DOCK1: variants seen among roughly 807,000 people sequenced by gnomAD.
DOCK1 encodes the protein dedicator of cytokinesis 1.
A neutral mutation model predicts 262.7 loss-of-function variants in DOCK1; 138 were observed. The observed-to-expected ratio is 0.53, with a 90% CI of 0.46 to 0.61. The LOEUF is 0.61. Among genes scored for constraint, DOCK1 ranks in the 20% least tolerant of loss-of-function variants. The pLI, the probability that DOCK1 is intolerant of heterozygous loss-of-function variation, is 0.00. For synonymous variants in DOCK1, 866 were observed against 867.4 expected, an observed-to-expected ratio of 1.00 and a Z score of 0.03; for missense variants, 1,908 against 2,370.7, an observed-to-expected ratio of 0.80 and a Z score of 4.05.
Position 126,981,384 on chromosome 10 carries a change from G to A in DOCK1, c.172-534G>A, listed in dbSNP as rs147626884. Among the ~76,000 whole-genome samples the A allele has an allele frequency of 9.0e-3, 1,374 of 152,292 alleles. 24 individuals are homozygous for A. Among genetic ancestry groups the A allele is most frequent in the African/African-American group, 0.031 (1,306 of 41,556 alleles). The stretch of plus-strand genomic sequence containing the variant: ...GAGGGAGGCCGACCAGCTTATCAGC[G>A]GAAGCTAGGGTGTACCCCCAGGTGT... On this transcript the variant is annotated intron_variant, in intron 3 of 51. Coordinates refer to ENST00000623213, the MANE Select transcript of DOCK1 (RefSeq NM_001290223.2).
chr10:127,407,545 A>G (rs1309476022), intron 40 of DOCK1, among the ~76,000 whole-genome samples: 7 of 152,366 alleles, frequency 4.6e-5, no homozygotes, highest in South Asian at 2.1e-4. Context: ...ATTCAGTGTC[A>G]TAGAATCTCT....
intron 29 of DOCK1, among the ~76,000 whole-genome samples, chr10:127,265,634 C>T (rs775725072): frequency 1.4e-4 from 22 of 152,128 alleles, no homozygotes; most frequent in Admixed American, 3.3e-4. Flanking sequence ...ATGGACACCT[C>T]ATAATCACAT....
chr10:127,004,051 G>A (rs1009981472), intron 10 of DOCK1, among the ~76,000 whole-genome samples: 25 of 151,878 alleles, frequency 1.6e-4, no homozygotes, highest in Admixed American at 1.6e-3. Context: ...TCAGGAGTTC[G>A]AGACCAGCGT....
chr10:127,209,423 G>A (rs2057871441), intron 27 of DOCK1, among the ~76,000 whole-genome samples: 1 of 152,184 alleles, frequency 6.6e-6, no homozygotes, highest in African/African-American at 2.4e-5. Context: ...GTAGCCGCCT[G>A]GAGAGCAGAG....
chr10:127,072,630 C>T lies in DOCK1; in HGVS notation c.2445+10854C>T, dbSNP rs150730907. On this transcript the variant is annotated intron_variant, in intron 23 of 51. Coordinates refer to ENST00000623213, the MANE Select transcript of DOCK1 (RefSeq NM_001290223.2). Reference sequence around the variant, plus strand: ...GAGGAAAATGCCAAACCCAGACTCTCGTATGGTTTGGAGAGAACTGTGCTG... The same window carrying T: ...GAGGAAAATGCCAAACCCAGACTCTTGTATGGTTTGGAGAGAACTGTGCTG... 5.9e-3 allele frequency among the ~76,000 whole-genome samples: 898 copies of T among 152,228 alleles called. 9 individuals carry two copies. Among genetic ancestry groups the T allele is most frequent in the Non-Finnish European group, 6.4e-3 (434 of 68,014 alleles).
At chr10:127,202,342 A>T (rs1479158185) in intron 27 of DOCK1, among the ~76,000 whole-genome samples, 5 of 150,534 alleles carry the variant, frequency 3.3e-5, no homozygotes, top group African/African-American at 1.2e-4. Flanking sequence ...AAAAAGAACT[A>T]GGACAGGAAG....
At chr10:127,022,839 A>G (rs539186397) in intron 13 of DOCK1, among the ~76,000 whole-genome samples, 1 of 152,346 alleles carries the variant, frequency 6.6e-6, no homozygotes, top group South Asian at 2.1e-4. Flanking sequence ...AGACAGCCGT[A>G]GCCAGCCGTC....
chr10:126,963,607 TC>T (rs2037404508), intron 1 of DOCK1, among the ~76,000 whole-genome samples: 16 of 56,328 alleles, frequency 2.8e-4, no homozygotes, highest in African/African-American at 1.6e-3. Context: ...TCCCTTCCCT[TC>T]CCTTCCCTTC....
At chr10:127,108,261 T>C (rs2048656724) in intron 24 of DOCK1, among the ~76,000 whole-genome samples, 1 of 152,194 alleles carries the variant, frequency 6.6e-6, no homozygotes, top group Non-Finnish European at 1.5e-5. Context: ...GCTGGATCCC[T>C]TACACACATA....
At chr10:127,382,279 T>C (rs1415157468) in intron 37 of DOCK1, among the ~76,000 whole-genome samples, 1 of 152,146 alleles carries the variant, frequency 6.6e-6, no homozygotes, top group African/African-American at 2.4e-5. Context: ...AATTAGGTAA[T>C]AGGAGTTAAG....
intron 27 of DOCK1, among the ~76,000 whole-genome samples, chr10:127,173,949 A>C (rs1206801663): frequency 6.6e-6 from 1 of 152,176 alleles, no homozygotes; most frequent in Non-Finnish European, 1.5e-5. Flanking sequence ...CTCCTGCACC[A>C]AGCTGGAGCA....
chr10:127,186,511 C>CGT (rs1482804970), intron 27 of DOCK1, among the ~76,000 whole-genome samples: 2 of 24,814 alleles, frequency 8.1e-5, no homozygotes, highest in African/African-American at 1.9e-4. Context: ...GAAACCGCCC[C>CGT]CCCGCCCCCC....
intron 1 of DOCK1, among the ~76,000 whole-genome samples, chr10:126,923,216 G>A (rs74553532): frequency 0.017 from 2,626 of 152,288 alleles, 43 homozygotes; most frequent in African/African-American, 0.049. Context: ...GCTGACCTCT[G>A]GTCTAGAGTC....
At chr10:127,261,819 CTGCATTGTG>C (rs1364886428) in intron 29 of DOCK1, among the ~76,000 whole-genome samples, 16 of 100,324 alleles carry the variant, frequency 1.6e-4, no homozygotes, top group African/African-American at 5.9e-4. Flanking sequence ...GGGTGTGTAC[CTGCATTGTG>C]TGCATGTGGG....
chr10:127,445,770 G>T lies in DOCK1; in HGVS notation c.5413+1491G>T, dbSNP rs528668084. Among the ~76,000 whole-genome samples, 4 of 152,304 alleles carry T rather than the reference G, an allele frequency of 2.6e-5. No homozygotes were observed. In the East Asian group the frequency reaches 7.7e-4, roughly 29 times the overall value. On this transcript the variant is annotated intron_variant, in intron 50 of 51. Coordinates refer to ENST00000623213, the MANE Select transcript of DOCK1 (RefSeq NM_001290223.2). ...CAGGCCAAATGTCCATCAACTGATGGCCAGATTAACAAAATGTACGTCCAA... is the reference window on the plus strand; with the variant it reads ...CAGGCCAAATGTCCATCAACTGATGTCCAGATTAACAAAATGTACGTCCAA...
At chr10:127,304,876 T>A (rs1183896922) in intron 29 of DOCK1, among the ~76,000 whole-genome samples, 3 of 152,152 alleles carry the variant, frequency 2.0e-5, no homozygotes, top group Non-Finnish European at 2.9e-5. Flanking sequence ...AGTGAGACTT[T>A]GTCTGAAAAA....
chr10:127,300,170 C>T (rs965919202), intron 29 of DOCK1, among the ~76,000 whole-genome samples: 4 of 152,278 alleles, frequency 2.6e-5, no homozygotes, highest in East Asian at 1.9e-4. Context: ...GCATCCTCCC[C>T]GATGGCATTT....
At position 127,024,724 on chromosome 10, in the gene DOCK1, G is replaced by A; in HGVS notation, c.1492G>A (p.Glu498Lys). The stretch of plus-strand genomic sequence containing the variant: ...GGGTGCTGGTGATGAAGCGATTTCA[G>A]AGTACAAATCTGTGATTTACTACCA... ...FPGAGDEAIS[E>K]YKSVIYYQVK... is the part of the protein sequence containing the mutation. Residue 498 changes from glutamate (E) to lysine (K), a missense_variant, in exon 15 of 52, where the codon GAG (glutamate) becomes AAG (lysine). This residue lies in a region of DOCK1 where 294 missense variants were observed against 439.9 expected (regional missense o/e 0.67). Coordinates refer to ENST00000623213, the MANE Select transcript of DOCK1 (RefSeq NM_001290223.2). 1 of 1,612,662 alleles carries A rather than the reference G, an allele frequency of 6.2e-7. No individual in the cohort carries two copies. The highest frequency in any genetic ancestry group is 8.5e-7 in the Non-Finnish European group (1 of 1,179,498).
chr10:126,933,345 G>C (rs1591360027), intron 1 of DOCK1, among the ~76,000 whole-genome samples: 1 of 152,198 alleles, frequency 6.6e-6, no homozygotes, highest in Admixed American at 6.5e-5. Flanking sequence ...GATGAGAAAT[G>C]ATACTGTCTG....
Sources: allele counts gnomAD v4.1 joint callset (sites outside exome capture counted in the v4.1 genomes callset), GRCh38; gene constraint gnomAD v4.1.1; regional missense constraint gnomAD v4.1.1; transcripts MANE v1.5; gene names NCBI Gene and HGNC (gene_info 2026-07-23, HGNC 2026-07-21).